The following CNTN3 variants were observed in gnomAD, a reference collection of about 807,000 sequenced individuals.
CNTN3 encodes the protein contactin-3.
CNTN3 carries 60 observed loss-of-function variants against 119.1 expected under a neutral mutation model. That is an observed-to-expected ratio of 0.50 (90% confidence interval 0.41 to 0.62). The LOEUF is 0.62. Among genes scored for constraint, CNTN3 ranks in the 20% least tolerant of loss-of-function variants. The probability of loss-of-function intolerance (pLI) is 0.00; values close to 1 mark genes in which losing one functional copy is unlikely to be tolerated. For missense variants in CNTN3, 1,101 were observed against 1,242.4 expected, an observed-to-expected ratio of 0.89 and a Z score of 1.71; for synonymous variants, 450 against 438.7, an observed-to-expected ratio of 1.03 and a Z score of -0.32.
At chr3:74,604,285 A>G (rs1575863087) in intron 1 of CNTN3, among the ~76,000 whole-genome samples, 1 of 152,156 alleles carries the variant, frequency 6.6e-6, no homozygotes, top group Admixed American at 6.5e-5. Context: ...CCAAAAGCAC[A>G]GGCAACAAAT....
rs145641980 is a variant in CNTN3, at chr3:74,274,948, C to A, written c.2705-7570G>T. Among the ~76,000 whole-genome samples the A allele has an allele frequency of 2.3e-3, 348 of 152,116 alleles. 1 individual carries two copies. Among genetic ancestry groups the A allele is most frequent in the Admixed American group, 5.4e-3 (82 of 15,276 alleles). ...AAGAAATATTCAATGAAATAGATAG[C>A]ATAAATACAAAAAATTAAAACTTCC... On this transcript the variant is annotated intron_variant, in intron 20 of 22. Transcript: ENST00000263665.
rs752271457 is a variant in CNTN3, at chr3:74,364,480, C to G, written c.1200G>C (p.Glu400Asp). 4 of 1,611,738 alleles carry G rather than the reference C, an allele frequency of 2.5e-6. No individual in the cohort carries two copies. The highest frequency in any genetic ancestry group is 3.4e-6 in the Non-Finnish European group (4 of 1,178,666). Residue 400 changes from glutamate (E) to aspartate (D), a missense_variant, in exon 10 of 23, where the codon GAG (glutamate) becomes GAC (aspartate). Transcript: ENST00000263665. ...NKHGLVYSSA[E>D]LKVVASAPDF... ...AATCAGCCTTACCAACAACTTTGAG[C>G]TCAGCACTGGAATAAACAAGGCCAT...
chr3:74,590,056 T>C (rs1704673485), intron 1 of CNTN3, among the ~76,000 whole-genome samples: 1 of 151,604 alleles, frequency 6.6e-6, no homozygotes, highest in Admixed American at 6.6e-5. Context: ...CATGTATACA[T>C]ATGTAACTAA....
chr3:74,452,733 T>A (rs1372253374), intron 4 of CNTN3, among the ~76,000 whole-genome samples: 2 of 148,224 alleles, frequency 1.3e-5, no homozygotes, highest in Non-Finnish European at 3.0e-5. Context: ...GAAGAGTTGT[T>A]GAATTTTGTC....
intron 11 of CNTN3, among the ~76,000 whole-genome samples, chr3:74,358,215 C>A (rs1367799014): frequency 1.3e-5 from 2 of 152,184 alleles, no homozygotes; most frequent in Non-Finnish European, 2.9e-5. Context: ...CCATGGACCT[C>A]TCTTAAATAT....
At chr3:74,595,007 T>C (rs1704777142) in intron 1 of CNTN3, among the ~76,000 whole-genome samples, 1 of 152,286 alleles carries the variant, frequency 6.6e-6, no homozygotes, top group South Asian at 2.1e-4. Flanking sequence ...CGTGAGATGG[T>C]ATCTCATTGT....
chr3:74,297,174 T>G (rs1202668015), intron 18 of CNTN3, among the ~76,000 whole-genome samples: 1 of 152,176 alleles, frequency 6.6e-6, no homozygotes, highest in East Asian at 1.9e-4. Context: ...TCTCAGGCCA[T>G]GGGAACCACT....
At chr3:74,457,095 A>G (rs1213529347) in intron 4 of CNTN3, among the ~76,000 whole-genome samples, 1 of 152,064 alleles carries the variant, frequency 6.6e-6, no homozygotes, top group Non-Finnish European at 1.5e-5. Flanking sequence ...AACAAAATTC[A>G]GATTCCCATT....
intron 1 of CNTN3, among the ~76,000 whole-genome samples, chr3:74,577,611 A>T (rs1317996222): frequency 6.6e-6 from 1 of 152,070 alleles, no homozygotes; most frequent in Non-Finnish European, 1.5e-5. Flanking sequence ...TTCACCCAAA[A>T]CAGAAAGCCA....
chr3:74,298,026 C>T lies in CNTN3; in HGVS notation c.2332G>A (p.Val778Met). ...TCACCTTTGTTATTATAAACACCCA[C>T]TTTAACTTCATATGGTGAATATGGC... is the stretch of plus-strand genomic sequence containing the variant. ...IVPYSPYEVK[V>M]GVYNNKGEGP... Residue 778 changes from valine to methionine, a missense_variant, in exon 18 of 23, where the codon GTG becomes ATG. Coordinates refer to ENST00000263665, the MANE Select transcript of CNTN3 (RefSeq NM_020872.3). The T allele has an allele frequency of 1.9e-6, 3 of 1,614,144 alleles. No homozygotes were observed. Among genetic ancestry groups the T allele is most frequent in the Non-Finnish European group, 2.5e-6 (3 of 1,179,990 alleles).
chr3:74,342,222 T>C (rs1395770658), intron 11 of CNTN3, among the ~76,000 whole-genome samples: 3 of 152,148 alleles, frequency 2.0e-5, no homozygotes, highest in Non-Finnish European at 4.4e-5. Flanking sequence ...TTTACAACTG[T>C]ATATGTTCTC....
chr3:74,597,278 T>C (rs1276120443), intron 1 of CNTN3, among the ~76,000 whole-genome samples: 1 of 152,050 alleles, frequency 6.6e-6, no homozygotes, highest in East Asian at 1.9e-4. Flanking sequence ...ATGATTTCGT[T>C]AGCTATTAAA....
chr3:74,309,916 G>C (rs1214929634), intron 13 of CNTN3, among the ~76,000 whole-genome samples: 2 of 152,132 alleles, frequency 1.3e-5, no homozygotes, highest in African/African-American at 4.8e-5. Flanking sequence ...CATTGCCTTG[G>C]TGTGCTCATC....
At chr3:74,550,984 C>A (rs1028955885) in intron 1 of CNTN3, among the ~76,000 whole-genome samples, 5 of 152,168 alleles carry the variant, frequency 3.3e-5, no homozygotes, top group Non-Finnish European at 5.9e-5. Flanking sequence ...CATCAAGAGT[C>A]CAATGTCGAG....
intron 4 of CNTN3, among the ~76,000 whole-genome samples, chr3:74,462,592 T>C (rs1266992465): frequency 6.6e-6 from 1 of 152,146 alleles, no homozygotes; most frequent in Non-Finnish European, 1.5e-5. Flanking sequence ...CAACCAGTCC[T>C]GCTCCGTAGC....
intron 4 of CNTN3, among the ~76,000 whole-genome samples, chr3:74,457,746 G>T (rs541081650): frequency 1.3e-4 from 19 of 151,574 alleles, no homozygotes; most frequent in African/African-American, 4.6e-4. Context: ...CTTTCCTTAA[G>T]AAAAAAAATG....
In CNTN3 at chr3:74,336,592, G is replaced by A. The variant is rs1282558849; in HGVS notation, c.1431C>T (p.Tyr477=). 10 of 1,612,426 alleles carry A rather than the reference G, an allele frequency of 6.2e-6. No homozygotes were observed. In the African/African-American group the frequency reaches 1.1e-4, roughly 17 times the overall value. The change falls in exon 12 of 23, where the codon TAC becomes TAT. Residue 477 remains tyrosine (Y), a synonymous_variant. Coordinates refer to ENST00000263665, the MANE Select transcript of CNTN3 (RefSeq NM_020872.3). ...ANVTKADAGT[Y]TCMAENQFGK... ...CAAACTGGTTTTCTGCCATGCAGGT[G>A]TAAGTTCCAGCATCAGCTTTAGTCA...
intron 5 of CNTN3, among the ~76,000 whole-genome samples, chr3:74,397,154 G>A (rs796714624): frequency 1.3e-5 from 2 of 152,186 alleles, no homozygotes; most frequent in African/African-American, 4.8e-5. Context: ...AAATCCTAGG[G>A]TTACTAAGAA....
At chr3:74,599,169 T>C (rs1173585129) in intron 1 of CNTN3, among the ~76,000 whole-genome samples, 2 of 152,076 alleles carry the variant, frequency 1.3e-5, no homozygotes, top group African/African-American at 4.8e-5. Flanking sequence ...AGGTTATTTA[T>C]GGATTTTATC....
Sources: allele counts gnomAD v4.1 joint callset (sites outside exome capture counted in the v4.1 genomes callset), GRCh38; gene constraint gnomAD v4.1.1; transcripts MANE v1.5; gene names NCBI Gene and HGNC (gene_info 2026-07-23, HGNC 2026-07-21).